POLR2F: variants seen among roughly 807,000 people sequenced by gnomAD.
POLR2F encodes DNA-directed RNA polymerases I, II, and III subunit RPABC2.
A neutral mutation model predicts 22.7 loss-of-function variants in POLR2F; 12 were observed. That is an observed-to-expected ratio of 0.53 (90% CI 0.34 to 0.86). POLR2F has a LOEUF of 0.86. Ranked by LOEUF, POLR2F falls within the 40% of genes least tolerant of loss-of-function variation. The pLI is 0.02. For synonymous variants in POLR2F, 57 were observed against 66.0 expected, an observed-to-expected ratio of 0.86 and a Z score of 0.66; for missense variants, 126 against 171.5, an observed-to-expected ratio of 0.73 and a Z score of 1.48.
intron 1 of POLR2F, among the ~76,000 whole-genome samples, chr22:38,007,662 C>T (rs554159153): frequency 3.7e-4 from 56 of 152,200 alleles, no homozygotes; most frequent in Non-Finnish European, 3.2e-4. Flanking sequence ...CAGTTCTTCC[C>T]GAGTCCCCCA....
chr22:38,023,186 G>C (rs2084976147), intron 1 of POLR2F, among the ~76,000 whole-genome samples: 1 of 152,198 alleles, frequency 6.6e-6, no homozygotes, highest in South Asian at 2.1e-4. Flanking sequence ...GGTTTTCCCA[G>C]ACAGCAGTGG....
chr22:38,040,220 AG>A (rs1355028284), intron 5 of POLR2F: 2 of 141,002 alleles, frequency 1.4e-5, no homozygotes, highest in African/African-American at 5.3e-5. Flanking sequence ...GTGAGGTCAA[AG>A]CTGCAGTGAG....
intron 3 of POLR2F, among the ~76,000 whole-genome samples, chr22:37,961,822 G>A (rs1380308915): frequency 6.6e-6 from 1 of 151,990 alleles, no homozygotes; most frequent in Non-Finnish European, 1.5e-5. Flanking sequence ...CTGTGGGGAA[G>A]CATGAGACTG....
intron 2 of POLR2F, 118 bp downstream of exon 2, chr22:37,956,960 A>C: frequency 2.5e-6 from 2 of 802,182 alleles, no homozygotes; most frequent in Non-Finnish European, 4.4e-6. Flanking sequence ...TGCCATAAGC[A>C]TTCCCAGTTA....
chr22:37,956,609 G>C (rs995502106), intron 1 of POLR2F, among the ~76,000 whole-genome samples, 164 bp from the exon 2 acceptor site: 2 of 151,964 alleles, frequency 1.3e-5, no homozygotes, highest in Non-Finnish European at 2.9e-5. Context: ...TAGAGATGGG[G>C]TTTTGCCTTG....
downstream of POLR2F, chr22:38,041,351 C>T (rs2085170466): frequency 1.5e-5 from 8 of 536,064 alleles, no homozygotes; most frequent in South Asian, 1.8e-4. Flanking sequence ...CACAGCAGGA[C>T]AGACAGGCTT....
At chr22:37,994,668 G>A (rs1026989452) in intron 1 of POLR2F, among the ~76,000 whole-genome samples, 10 of 152,146 alleles carry the variant, frequency 6.6e-5, no homozygotes, top group Admixed American at 3.9e-4. Flanking sequence ...ACAGGTGCCC[G>A]CCACCATGCC....
chr22:37,997,723 C>T lies in POLR2F; in HGVS notation c.120+11411C>T, dbSNP rs1277396649. On this transcript the variant is annotated intron_variant, in intron 1 of 2. Transcript: ENST00000333418. The surrounding 1 kb of genome is among the most constrained non-coding windows in gnomAD (Gnocchi z 4.4). ...GCCCCTCCCTCGTGCCTGTGCCCAG[C>T]TCCGCATCTCCCTCTTCCCATTTCC... 6.6e-6 allele frequency among the ~76,000 whole-genome samples: 1 copy of T among 152,154 alleles called. No homozygotes were observed. Among genetic ancestry groups the T allele is most frequent in the Non-Finnish European group, 1.5e-5 (1 of 68,014 alleles).
chr22:38,024,745 C>T (rs1021018910), intron 1 of POLR2F, among the ~76,000 whole-genome samples: 12 of 151,918 alleles, frequency 7.9e-5, no homozygotes, highest in Non-Finnish European at 1.3e-4. Context: ...TTGGTCTGGC[C>T]GAAGTGCAGG....
chr22:38,024,648 A>G (rs2084991144), intron 1 of POLR2F, among the ~76,000 whole-genome samples: 1 of 152,100 alleles, frequency 6.6e-6, no homozygotes, highest in African/African-American at 2.4e-5. Context: ...CAGGCAGACC[A>G]GGTCTGGGAG....
At chr22:38,021,355 ACT>A (rs1305412957) in intron 1 of POLR2F, among the ~76,000 whole-genome samples, 1 of 151,296 alleles carries the variant, frequency 6.6e-6, no homozygotes, top group Non-Finnish European at 1.5e-5. Context: ...GATAAGAAAA[ACT>A]CTGGTGGGTA....
At chr22:38,026,713 G>C (rs559222374), downstream of POLR2F, 1 of 196,468 alleles carries the variant, frequency 5.1e-6, no homozygotes, top group East Asian at 1.3e-4. Flanking sequence ...TAAAGGCGGA[G>C]AACAAAGAGG....
chr22:38,039,538 C>T (rs2085151441), intron 5 of POLR2F, among the ~76,000 whole-genome samples: 1 of 152,120 alleles, frequency 6.6e-6, no homozygotes, highest in Non-Finnish European at 1.5e-5. Flanking sequence ...AGAGCCGGTG[C>T]CCGGGGGAGG....
At chr22:38,013,386 T>C (rs1252120392) in intron 1 of POLR2F, among the ~76,000 whole-genome samples, 1 of 152,210 alleles carries the variant, frequency 6.6e-6, no homozygotes, top group Non-Finnish European at 1.5e-5. Flanking sequence ...CCTCAGGTGA[T>C]CCACCCACCT....
At chr22:37,976,940 G>A (rs1188681004) in intron 4 of POLR2F, among the ~76,000 whole-genome samples, 1 of 151,898 alleles carries the variant, frequency 6.6e-6, no homozygotes, top group African/African-American at 2.4e-5. Flanking sequence ...GCCGAGGCGG[G>A]CAGATTGCCT....
At chr22:37,981,926 A>G (rs372400251), upstream of POLR2F, among the ~76,000 whole-genome samples, 3 of 152,268 alleles carry the variant, frequency 2.0e-5, no homozygotes, top group African/African-American at 7.2e-5. Context: ...CAGCAAACAC[A>G]TGGCAAGAAC....
chr22:37,977,518 C>T (rs1461148311), intron 4 of POLR2F, among the ~76,000 whole-genome samples: 1 of 152,030 alleles, frequency 6.6e-6, no homozygotes, highest in African/African-American at 2.4e-5. Flanking sequence ...GATGGGATTT[C>T]ACCATGTTAG....
intron 1 of POLR2F, among the ~76,000 whole-genome samples, chr22:38,014,785 C>T (rs2084901970): frequency 6.9e-6 from 1 of 145,966 alleles, no homozygotes; most frequent in Admixed American, 6.9e-5. Context: ...GCCTGGCTCA[C>T]ACCTGTATTT....
intron 1 of POLR2F, among the ~76,000 whole-genome samples, chr22:38,011,548 T>TA (rs1353267082): frequency 3.3e-5 from 5 of 152,298 alleles, no homozygotes; most frequent in Admixed American, 2.0e-4. Context: ...ACTTGTCTCT[T>TA]ACACCTTAGT....
Sources: gnomAD v4.1 joint callset for allele counts (sites outside exome capture counted in the v4.1 genomes callset) on GRCh38, gnomAD v4.1.1 for gene constraint, Gnocchi (gnomAD v3.1) non-coding constraint, MANE v1.5 for transcripts, NCBI Gene and HGNC (gene_info 2026-07-23, HGNC 2026-07-21) for gene names.